BPIFB3: variants seen among roughly 807,000 people sequenced by gnomAD.
BPIFB3 encodes BPI fold-containing family B member 3.
A neutral mutation model predicts 53.1 loss-of-function variants in BPIFB3; 49 were observed. The observed-to-expected ratio is 0.92, with a 90% CI of 0.73 to 1.17. The LOEUF (loss-of-function observed/expected upper bound fraction) is 1.17, where lower values mean the gene tolerates loss of function less well. BPIFB3 is among the 50% of genes most tolerant of loss of function. BPIFB3 has a pLI of 0.00. For missense variants in BPIFB3, 628 were observed against 592.5 expected (o/e 1.06, Z -0.62); for synonymous variants, 271 against 269.6 (o/e 1.01, Z -0.05).
chr20:33,063,464 C>G, intron 5 of BPIFB3, 151 bp from the exon 7 acceptor site: 1 of 784,648 alleles, frequency 1.3e-6, no homozygotes, highest in East Asian at 2.8e-5. Context: ...TTCCCTGCCT[C>G]CCACCTGTGT....
exon 3 of BPIFB3, chr20:33,059,454 C>A: frequency 6.2e-7 from 1 of 1,612,386 alleles, no homozygotes; most frequent in Non-Finnish European, 8.5e-7. Flanking sequence ...GCTGAGCCTG[C>A]ACACCAAAGT....
chr20:33,070,044 C>A (rs2146391832), intron 11 of BPIFB3, 89 bp downstream of exon 12: 3 of 1,449,432 alleles, frequency 2.1e-6, no homozygotes, highest in Non-Finnish European at 2.9e-6. Flanking sequence ...GTTTCTTGAG[C>A]ATCAGCGCAA....
exon 10 of BPIFB3, chr20:33,068,961 T>C (rs1980776415): frequency 1.2e-6 from 2 of 1,613,438 alleles, no homozygotes; most frequent in Non-Finnish European, 1.7e-6. Flanking sequence ...AATCCCTCTT[T>C]GAGCTGAACT....
intron 12 of BPIFB3, 71 bp from the exon 14 acceptor site, chr20:33,072,033 A>G: frequency 6.6e-7 from 1 of 1,523,234 alleles, no homozygotes. Context: ...TCTCCCTGGG[A>G]ACGGGATGCT....
At chr20:33,064,548 C>T (rs757049941) in exon 7 of BPIFB3, 24 of 1,613,798 alleles carry the variant, frequency 1.5e-5, no homozygotes, top group South Asian at 4.4e-5. Flanking sequence ...TGGACATCAA[C>T]GTGAGTAACC....
chr20:33,056,906 GT>G (rs966601414), intron 2 of BPIFB3, among the ~76,000 whole-genome samples: 7 of 152,174 alleles, frequency 4.6e-5, no homozygotes, highest in African/African-American at 1.4e-4. Flanking sequence ...CAGCTCTGGG[GT>G]CAACACTAGT....
chr20:33,061,745 C>A, intron 4 of BPIFB3, 23 bp from the exon 6 acceptor site: 6 of 1,613,482 alleles, frequency 3.7e-6, no homozygotes, highest in Non-Finnish European at 5.1e-6. Context: ...CAGCCGCACC[C>A]ACATGTGTCT....
chr20:33,054,010 C>T (rs1171654881), upstream of BPIFB3, among the ~76,000 whole-genome samples: 1 of 152,106 alleles, frequency 6.6e-6, no homozygotes, highest in Admixed American at 6.5e-5. Context: ...GACGCCCAGC[C>T]GTTGACCCCA....
At chr20:33,054,581 A>C (rs917391129), upstream of BPIFB3, among the ~76,000 whole-genome samples, 1 of 152,140 alleles carries the variant, frequency 6.6e-6, no homozygotes, top group East Asian at 1.9e-4. Flanking sequence ...CCGCATGTGC[A>C]AAGGCCCTGG....
At chr20:33,068,465 T>A (rs1304645665) in intron 9 of BPIFB3, among the ~76,000 whole-genome samples, 1 of 152,142 alleles carries the variant, frequency 6.6e-6, no homozygotes, top group African/African-American at 2.4e-5. Context: ...AGCAGCCACG[T>A]GGCCAGTGAG....
Position 33,062,049 on chromosome 20 carries a change from C to T in BPIFB3, c.591+218C>T, listed in dbSNP as rs2146384435. 4.9e-5 allele frequency among the ~76,000 whole-genome samples: 3 copies of T among 61,340 alleles called. No homozygotes were observed. The South Asian group carries it at 2.6e-3, about 54-fold the overall frequency. The allele number at this position is 61,340 out of a possible 152,430, so 40.2% of individuals were successfully genotyped here. A position where few individuals can be genotyped will look rare whatever the true frequency, so the allele number is the denominator to read the frequency against. On this transcript the variant is annotated intron_variant, in intron 5 of 14. Transcript: ENST00000375494. Reference sequence around the variant, plus strand: ...CCTTTCGGCCTGGGTCCCCTGCTCCCAAATCGTAGGCTCCTAAGAAGGGTA... The same window carrying T: ...CCTTTCGGCCTGGGTCCCCTGCTCCTAAATCGTAGGCTCCTAAGAAGGGTA...
At chr20:33,068,701 A>G (rs1369486755) in intron 9 of BPIFB3, 102 bp from the exon 11 acceptor site, 11 of 1,231,448 alleles carry the variant, frequency 8.9e-6, no homozygotes, top group Non-Finnish European at 1.2e-5. Flanking sequence ...CTCGTTGCCC[A>G]GCACGTTGCC....
chr20:33,069,281 G>A (rs1402520491), intron 10 of BPIFB3, among the ~76,000 whole-genome samples: 2 of 151,922 alleles, frequency 1.3e-5, no homozygotes, highest in Admixed American at 1.3e-4. Context: ...TCTCCCTGAC[G>A]ACCCTCCAGC....
intron 11 of BPIFB3, 126 bp from the exon 13 acceptor site, chr20:33,071,127 T>C: frequency 2.0e-6 from 2 of 1,015,712 alleles, no homozygotes; most frequent in Non-Finnish European, 2.8e-6. Context: ...CAAGGCTGGA[T>C]AGAGGCAGAG....
chr20:33,062,959 G>A (rs181004840), intron 5 of BPIFB3, among the ~76,000 whole-genome samples: 1 of 152,340 alleles, frequency 6.6e-6, no homozygotes, highest in African/African-American at 2.4e-5. Flanking sequence ...ACCTTGGACA[G>A]GCCACCTTCT....
chr20:33,063,895 T>C (rs1362583326), intron 6 of BPIFB3, among the ~76,000 whole-genome samples: 1 of 152,178 alleles, frequency 6.6e-6, no homozygotes, highest in East Asian at 1.9e-4. Context: ...GTTCTCTCTA[T>C]GTTGGGTGCT....
chr20:33,061,668 G>A, intron 4 of BPIFB3, 100 bp from the exon 6 acceptor site: 1 of 1,170,144 alleles, frequency 8.5e-7, no homozygotes, highest in Non-Finnish European at 1.2e-6. Flanking sequence ...CAAGAGAAGG[G>A]AGAGGAGAAA....
chr20:33,055,316 G>A (rs2146377680), upstream of BPIFB3: 2 of 1,508,722 alleles, frequency 1.3e-6, no homozygotes, highest in East Asian at 2.3e-5. Flanking sequence ...GCTCAATTTG[G>A]GCTGTGCCAG....
At position 33,069,267 on chromosome 20, in the gene BPIFB3, G is replaced by A. The variant is rs73262174; in HGVS notation, c.1149+294G>A. ...CCCATCTCCCCAGCCTCTCTGCCCA[G>A]CTATCTCCCTGACGACCCTCCAGCT... is the stretch of plus-strand genomic sequence containing the variant. On this transcript the variant is annotated intron_variant, in intron 10 of 14. Transcript: ENST00000375494. Among the ~76,000 whole-genome samples the A allele has an allele frequency of 6.4e-3, 980 of 152,188 alleles. 11 individuals are homozygous for A. The highest frequency in any genetic ancestry group is 0.022 in the African/African-American group (917 of 41,522).
Sources: gnomAD v4.1 joint callset for allele counts (sites outside exome capture counted in the v4.1 genomes callset) on GRCh38, gnomAD v4.1.1 for gene constraint, MANE v1.5 for transcripts, NCBI Gene and HGNC (gene_info 2026-07-23, HGNC 2026-07-21) for gene names.